Variants in BTBD9 observed in about 807,000 individuals in gnomAD.
The protein encoded by BTBD9 is BTB domain containing 9.
A neutral mutation model predicts 64.3 loss-of-function variants in BTBD9; 49 were observed. The observed-to-expected ratio is 0.76, with a 90% CI of 0.61 to 0.97. The LOEUF is 0.97. Among genes scored for constraint, BTBD9 ranks in the 50% least tolerant of loss-of-function variants. The pLI is 0.00. For missense variants in BTBD9, 598 were observed against 762.1 expected, an observed-to-expected ratio of 0.78 and a Z score of 2.53; for synonymous variants, 260 against 274.7, an observed-to-expected ratio of 0.95 and a Z score of 0.53.
intron 6 of BTBD9, chr6:38,566,035 C>T (rs1310624635): frequency 1.3e-5 from 2 of 151,984 alleles, no homozygotes; most frequent in Non-Finnish European, 2.9e-5. Context: ...CCACTTCTCA[C>T]TACTGCACTT....
intron 6 of BTBD9, among the ~76,000 whole-genome samples, chr6:38,496,188 G>A (rs1446072266): frequency 6.6e-6 from 1 of 152,068 alleles, no homozygotes; most frequent in African/African-American, 2.4e-5. Flanking sequence ...TGACTCACAC[G>A]ACTGAAGGAA....
At chr6:38,566,489 C>T (rs1399667743) in intron 6 of BTBD9, among the ~76,000 whole-genome samples, 1 of 152,122 alleles carries the variant, frequency 6.6e-6, no homozygotes, top group African/African-American at 2.4e-5. Flanking sequence ...TACTTTTGTG[C>T]AGACAGCTTA....
At position 38,175,010 on chromosome 6, in the gene BTBD9, C is replaced by T. The variant is rs555280410; in HGVS notation, c.1814G>A (p.Arg605His). 5.0e-6 allele frequency: 8 copies of T among 1,613,950 alleles called. No individual in the cohort carries two copies. The highest frequency in any genetic ancestry group is 5.9e-6 in the Non-Finnish European group (7 of 1,180,030). ...SLPSSPGSNSRSPNRQHQ is the reference protein window; with the variant it reads ...SLPSSPGSNSHSPNRQHQ ...TTATTGGTGCTGCCGGTTGGGGGAG[C>T]GTGAGTTGGAGCCTGGGCTGGAGGG... The change falls in exon 11 of 11, where the codon CGC (arginine) becomes CAC (histidine). Residue 605 changes from arginine (R) to histidine (H), a missense_variant. Physicochemically the swap from Arg to His is conservative, Grantham distance 29. Coordinates refer to ENST00000481247, the MANE Select transcript of BTBD9 (RefSeq NM_001099272.2).
In BTBD9 at chr6:38,570,729, T is replaced by C. The variant is rs1775724641; in HGVS notation, c.1154+6871A>G. Among the ~76,000 whole-genome samples, 4 of 152,184 alleles carry C rather than the reference T, an allele frequency of 2.6e-5. No homozygotes were observed. In the South Asian group the frequency reaches 8.3e-4, roughly 31 times the overall value. ...ACTACAGAAGCCCACATTTCTCCTA[T>C]GCCTTGCAGATGACAACTCAAGAAC... is the stretch of plus-strand genomic sequence containing the variant. On this transcript the variant is annotated intron_variant, in intron 6 of 10. Coordinates refer to ENST00000481247, the MANE Select transcript of BTBD9 (RefSeq NM_001099272.2).
chr6:38,310,125 G>A (rs1053573171), intron 7 of BTBD9, among the ~76,000 whole-genome samples: 2 of 152,190 alleles, frequency 1.3e-5, no homozygotes, highest in African/African-American at 4.8e-5. Context: ...CTGGAATGTC[G>A]AAGAAACACA....
At chr6:38,302,582 G>A in intron 7 of BTBD9, among the ~76,000 whole-genome samples, 1 of 142,986 alleles carries the variant, frequency 7.0e-6, no homozygotes, top group Admixed American at 7.3e-5. Flanking sequence ...TTATGTCTTG[G>A]CTGTTGTGAA....
intron 9 of BTBD9, among the ~76,000 whole-genome samples, chr6:38,227,233 T>A (rs986038390): frequency 3.3e-5 from 5 of 152,222 alleles, no homozygotes; most frequent in African/African-American, 4.8e-5. Context: ...GGATTCTGAT[T>A]TGCTTCCAAA....
intron 6 of BTBD9, among the ~76,000 whole-genome samples, chr6:38,379,964 T>C (rs538546852): frequency 2.0e-5 from 3 of 152,218 alleles, no homozygotes; most frequent in Non-Finnish European, 2.9e-5. Flanking sequence ...ATAGAAAATA[T>C]AGGTATGTAT....
At chr6:38,465,753 A>ATATATATATG (rs1554158495) in intron 6 of BTBD9, among the ~76,000 whole-genome samples, 14 of 39,728 alleles carry the variant, frequency 3.5e-4, no homozygotes, top group African/African-American at 4.9e-4. Context: ...ATATATATAT[A>ATATATATATG]TATGTATGTA....
chr6:38,608,212 T>G (rs988059985), intron 1 of BTBD9, among the ~76,000 whole-genome samples: 1 of 152,196 alleles, frequency 6.6e-6, no homozygotes, highest in East Asian at 1.9e-4. Flanking sequence ...CTCTAAGAAG[T>G]TGCTATCACT....
chr6:38,557,015 C>CAAAAAAAAA lies in BTBD9; in HGVS notation c.1154+20576_1154+20584dup. On this transcript the variant is annotated intron_variant, in intron 6 of 10. Coordinates refer to ENST00000481247, the MANE Select transcript of BTBD9 (RefSeq NM_001099272.2). Reference sequence around the variant, plus strand: ...GGAACAGAGCGAGACTCCATCTCACCAAAAAAAAAAAAAAAAAAAAAAAAA... The same window carrying CAAAAAAAAA: ...GGAACAGAGCGAGACTCCATCTCACCAAAAAAAAAAAAAAAAAAAAAAAAAAAAAAAAAA... 1.3e-3 allele frequency among the ~76,000 whole-genome samples: 20 copies of CAAAAAAAAA among 15,406 alleles called. 6 individuals are homozygous for CAAAAAAAAA. The highest frequency in any genetic ancestry group is 2.4e-3 in the African/African-American group (10 of 4,094). 10.1% of individuals were successfully genotyped at this position (15,406 alleles called of 152,430 possible).
intron 6 of BTBD9, among the ~76,000 whole-genome samples, chr6:38,432,904 T>C (rs1389009700): frequency 6.6e-6 from 1 of 152,010 alleles, no homozygotes; most frequent in East Asian, 1.9e-4. Context: ...AATAAAACTC[T>C]TTCTCTACTG....
chr6:38,345,751 G>T lies in BTBD9; in HGVS notation c.1155-658C>A, dbSNP rs186833892. Among the ~76,000 whole-genome samples the T allele has an allele frequency of 1.9e-3, 296 of 152,308 alleles. 2 individuals carry two copies. The highest frequency in any genetic ancestry group is 6.9e-3 in the African/African-American group (288 of 41,572). ...AGCCTGCTCTGCAGCCTCCCTCCTGGCCACGTGAATCTGGCACCTGCACAC... is the reference window on the plus strand; with the variant it reads ...AGCCTGCTCTGCAGCCTCCCTCCTGTCCACGTGAATCTGGCACCTGCACAC... On this transcript the variant is annotated intron_variant, in intron 6 of 10. Coordinates refer to ENST00000481247, the MANE Select transcript of BTBD9 (RefSeq NM_001099272.2).
chr6:38,316,872 G>T (rs760695173), intron 7 of BTBD9, among the ~76,000 whole-genome samples: 17 of 152,164 alleles, frequency 1.1e-4, no homozygotes, highest in Non-Finnish European at 2.1e-4. Flanking sequence ...TTGTAGGACA[G>T]GTCTAGTGTT....
chr6:38,355,307 T>C (rs1028476803), intron 6 of BTBD9, among the ~76,000 whole-genome samples: 3 of 152,182 alleles, frequency 2.0e-5, no homozygotes, highest in African/African-American at 7.2e-5. Flanking sequence ...ATGTACACTT[T>C]ATGTGTTAGG....
intron 8 of BTBD9, among the ~76,000 whole-genome samples, chr6:38,279,617 C>T (rs1027651221): frequency 1.3e-5 from 2 of 152,120 alleles, no homozygotes; most frequent in South Asian, 2.1e-4. Context: ...TCTGTGACCC[C>T]GTGTGGCCTA....
chr6:38,609,800 G>T (rs1307386694), intron 1 of BTBD9, among the ~76,000 whole-genome samples: 1 of 152,124 alleles, frequency 6.6e-6, no homozygotes, highest in Non-Finnish European at 1.5e-5. Context: ...ATGCATCAAG[G>T]TTGATCTCTG....
chr6:38,213,557 G>A (rs1024258675), intron 9 of BTBD9, among the ~76,000 whole-genome samples: 17 of 152,234 alleles, frequency 1.1e-4, no homozygotes, highest in African/African-American at 4.1e-4. Context: ...TGCATTAACT[G>A]TCACATTCAA....
intron 1 of BTBD9, among the ~76,000 whole-genome samples, chr6:38,633,188 T>G (rs549057320): frequency 2.0e-4 from 30 of 152,212 alleles, no homozygotes; most frequent in Non-Finnish European, 3.8e-4. Flanking sequence ...GAAATGAGAC[T>G]GCATTTCTAC....
Sources: allele counts gnomAD v4.1 joint callset (sites outside exome capture counted in the v4.1 genomes callset), GRCh38; gene constraint gnomAD v4.1.1; transcripts MANE v1.5; gene names NCBI Gene and HGNC (gene_info 2026-07-23, HGNC 2026-07-21).